CCDC178: variants seen among roughly 807,000 people sequenced by gnomAD.
CCDC178 encodes the protein coiled-coil domain containing 178.
Under a neutral mutation model 117.4 loss-of-function variants are expected in CCDC178, and 126 were observed. That is an observed-to-expected ratio of 1.07 (90% CI 0.93 to 1.24). The LOEUF is 1.24. Among genes scored for constraint, CCDC178 ranks in the 50% most tolerant of loss-of-function variants. The pLI is 0.00. For synonymous variants in CCDC178, 283 were observed against 313.4 expected (o/e 0.90, Z 1.02); for missense variants, 1,030 against 986.9 (o/e 1.04, Z -0.59).
chr18:33,388,994 G>T (rs1486416749), intron 5 of CCDC178, among the ~76,000 whole-genome samples: 1 of 151,976 alleles, frequency 6.6e-6, no homozygotes. Flanking sequence ...GTAGGGGGAG[G>T]GCAGGTTAGG....
intron 20 of CCDC178, among the ~76,000 whole-genome samples, chr18:33,143,829 T>C (rs572743620): frequency 2.6e-4 from 40 of 152,248 alleles, no homozygotes; most frequent in African/African-American, 8.4e-4. Context: ...ATTCTCTACA[T>C]AGAAAAATCT....
chr18:32,946,357 C>G (rs2054347169), intron 22 of CCDC178, among the ~76,000 whole-genome samples: 1 of 152,176 alleles, frequency 6.6e-6, no homozygotes, highest in Non-Finnish European at 1.5e-5. Context: ...TCTTCAAACT[C>G]TCTTCATTCT....
At chr18:33,249,597 T>G (rs551520270) in intron 14 of CCDC178, among the ~76,000 whole-genome samples, 7 of 152,246 alleles carry the variant, frequency 4.6e-5, no homozygotes, top group African/African-American at 1.4e-4. Context: ...GTATTATTTC[T>G]GAGGGCTCTG....
intron 12 of CCDC178, 37 bp from the exon 13 acceptor site, chr18:33,267,334 T>C (rs940707751): frequency 2.6e-6 from 3 of 1,169,034 alleles, no homozygotes; most frequent in African/African-American, 1.6e-5. Flanking sequence ...GTGAATTGTA[T>C]AGCTTTTCAT....
At chr18:33,435,321 T>C (rs1700642077) in intron 2 of CCDC178, among the ~76,000 whole-genome samples, 1 of 152,198 alleles carries the variant, frequency 6.6e-6, no homozygotes, top group African/African-American at 2.4e-5. Context: ...CATGTAGCTA[T>C]AGGCTACTGC....
At chr18:32,974,776 G>A in intron 21 of CCDC178, 95 bp from the exon 22 acceptor site, 1 of 1,208,562 alleles carries the variant, frequency 8.3e-7, no homozygotes, top group Non-Finnish European at 1.2e-6. Context: ...AATATAGAAA[G>A]CAGTCAATAG....
intron 14 of CCDC178, among the ~76,000 whole-genome samples, chr18:33,251,638 A>G (rs1297375407): frequency 6.6e-6 from 1 of 151,762 alleles, no homozygotes; most frequent in African/African-American, 2.4e-5. Context: ...GAAACAAGAT[A>G]TTTTAATCAA....
At chr18:33,063,100 G>C (rs2056953371) in intron 21 of CCDC178, among the ~76,000 whole-genome samples, 1 of 152,148 alleles carries the variant, frequency 6.6e-6, no homozygotes, top group African/African-American at 2.4e-5. Context: ...CTGGAAACCA[G>C]CCCACCAGCC....
chr18:33,253,456 C>G (rs2059640092), intron 14 of CCDC178, among the ~76,000 whole-genome samples: 1 of 151,676 alleles, frequency 6.6e-6, no homozygotes, highest in Admixed American at 6.6e-5. Context: ...CTTATGAAAT[C>G]AGTGATTTGC....
At chr18:33,050,174 A>G (rs1434345616) in intron 21 of CCDC178, among the ~76,000 whole-genome samples, 3 of 152,156 alleles carry the variant, frequency 2.0e-5, no homozygotes, top group Non-Finnish European at 4.4e-5. Context: ...AATAGCTTTT[A>G]ATTGAATCAA....
Position 33,313,526 on chromosome 18 carries a change from C to CT in CCDC178, c.1022+9964dup, listed in dbSNP as rs2062371320. On this transcript the variant is annotated intron_variant, in intron 11 of 22. Transcript: ENST00000383096. ...ATGGCTAATAAACCCTCATAAACTT[C>CT]TTTTCCCAAAAGCAGTTACATTGCA... 7.9e-5 allele frequency among the ~76,000 whole-genome samples: 12 copies of CT among 152,144 alleles called. No homozygotes were observed. The South Asian group carries it at 2.5e-3, about 31-fold the overall frequency.
chr18:33,433,211 A>G (rs1291405794), intron 2 of CCDC178, among the ~76,000 whole-genome samples: 2 of 152,160 alleles, frequency 1.3e-5, no homozygotes, highest in African/African-American at 4.8e-5. Context: ...GCTTCTGCAA[A>G]AGGATATCCA....
intron 21 of CCDC178, among the ~76,000 whole-genome samples, chr18:33,087,174 A>G (rs1478332860): frequency 3.3e-5 from 5 of 152,196 alleles, no homozygotes; most frequent in Non-Finnish European, 7.3e-5. Context: ...CCACTCTACC[A>G]GAATAAAATC....
intron 12 of CCDC178, 135 bp downstream of exon 12, chr18:33,293,024 T>C (rs1568122192): frequency 1.8e-6 from 1 of 566,534 alleles, no homozygotes; most frequent in Admixed American, 3.4e-5. Context: ...TATGCAGCAA[T>C]AGAAAACTAA....
rs181152712 is a variant in CCDC178 at position 33,321,056 on chromosome 18, G to T, written c.1022+2435C>A. On this transcript the variant is annotated intron_variant, in intron 11 of 22. Transcript: ENST00000383096. The stretch of plus-strand genomic sequence containing the variant: ...AGCCATATGTAGAAAGCTGAAACTG[G>T]ATCCCTTCCTTACACCTTATACAAA... Among the ~76,000 whole-genome samples the T allele has an allele frequency of 2.5e-4, 38 of 152,252 alleles. No individual in the cohort carries two copies. In the East Asian group the frequency reaches 7.2e-3, roughly 29 times the overall value.
In CCDC178 at chr18:33,332,098, TA is replaced by T. The variant is rs1158238696; in HGVS notation, c.879+1075del. Among the ~76,000 whole-genome samples, 7 of 152,302 alleles carry T rather than the reference TA, an allele frequency of 4.6e-5. No individual in the cohort carries two copies. In the East Asian group the frequency reaches 1.4e-3, roughly 29 times the overall value. Reference sequence around the variant, plus strand: ...CATATCAACAGTAGCTTGATTAAACTAAAAAATTGTCAGATTAAAAAATAGG... The same window carrying T: ...CATATCAACAGTAGCTTGATTAAACTAAAAATTGTCAGATTAAAAAATAGG... On this transcript the variant is annotated intron_variant, in intron 10 of 22. Transcript: ENST00000383096.
intron 20 of CCDC178, among the ~76,000 whole-genome samples, chr18:33,163,557 GA>G (rs1325872104): frequency 2.0e-5 from 3 of 152,062 alleles, no homozygotes; most frequent in African/African-American, 7.2e-5. Context: ...CTGATAAAAA[GA>G]ATCAACTGCT....
intron 20 of CCDC178, among the ~76,000 whole-genome samples, chr18:33,110,994 C>T (rs2057773241): frequency 6.6e-6 from 1 of 151,522 alleles, no homozygotes; most frequent in Non-Finnish European, 1.5e-5. Flanking sequence ...GAATGCACAT[C>T]TTCAAAATAC....
rs1455034999 is a variant in CCDC178 at position 33,234,535 on chromosome 18, CAG to C, written c.1594-7682_1594-7681del. 3.3e-5 allele frequency among the ~76,000 whole-genome samples: 5 copies of C among 152,034 alleles called. No homozygotes were observed. In the South Asian group the frequency reaches 8.3e-4, roughly 25 times the overall value. On this transcript the variant is annotated intron_variant, in intron 15 of 22. Transcript: ENST00000383096. Reference sequence around the variant, plus strand: ...AACTGAGCTTCTAAGCAGCTTAACTCAGAGAGAAATAAGAAAGTGTAGGGAAC... The same window carrying C: ...AACTGAGCTTCTAAGCAGCTTAACTCAGAGAAATAAGAAAGTGTAGGGAAC...
Sources: allele counts gnomAD v4.1 joint callset (sites outside exome capture counted in the v4.1 genomes callset), GRCh38; gene constraint gnomAD v4.1.1; transcripts MANE v1.5; gene names NCBI Gene and HGNC (gene_info 2026-07-23, HGNC 2026-07-21).